The following HOOK3 variants were observed in gnomAD, a reference collection of about 807,000 sequenced individuals.
The protein encoded by HOOK3 is hook microtubule tethering protein 3.
A neutral mutation model predicts 116.3 loss-of-function variants in HOOK3; 24 were observed. That is an observed-to-expected ratio of 0.21 (90% CI 0.15 to 0.29). HOOK3 has a LOEUF of 0.29. HOOK3 is among the 10% of genes least tolerant of loss of function. HOOK3 has a pLI of 1.00. For missense variants in HOOK3, 632 were observed against 830.2 expected (o/e 0.76, Z 2.93); for synonymous variants, 275 against 283.0 (o/e 0.97, Z 0.28).
Position 43,027,177 on chromosome 8 carries a change from G to A in HOOK3, c.*8679G>A, listed in dbSNP as rs552511464. The A allele has an allele frequency of 2.7e-5, 6 of 219,010 alleles. No homozygotes were observed. The highest frequency in any genetic ancestry group is 1.4e-4 in the African/African-American group (6 of 43,030). 13.6% of individuals were successfully genotyped at this position (219,010 alleles called of 1,614,324 possible). On this transcript the variant is annotated 3_prime_UTR_variant, in exon 22 of 22. Coordinates refer to ENST00000307602, the MANE Select transcript of HOOK3 (RefSeq NM_032410.4). Reference sequence around the variant, plus strand: ...AAAGTGCTGGGATTATTATAGGCGTGAGCCACCATGCCCAGTGAACTTGGC... The same window carrying A: ...AAAGTGCTGGGATTATTATAGGCGTAAGCCACCATGCCCAGTGAACTTGGC...
At chr8:42,910,343 C>G (rs954225864) in intron 2 of HOOK3, among the ~76,000 whole-genome samples, 1 of 151,722 alleles carries the variant, frequency 6.6e-6, no homozygotes, top group Non-Finnish European at 1.5e-5. Context: ...TTCTTTCTTC[C>G]TAGAATGCCT....
intron 5 of HOOK3, 43 bp downstream of exon 5, chr8:42,943,488 G>A (rs772577462): frequency 2.3e-6 from 3 of 1,307,708 alleles, no homozygotes; most frequent in Non-Finnish European, 3.0e-6. Flanking sequence ...AATAATGAAG[G>A]AAAGTAGTGT....
Position 43,026,010 on chromosome 8 carries a change from T to G in HOOK3, c.*7512T>G, listed in dbSNP as rs1387715846. ...TAGAGCTTAGAGGAAGAATTAGGTATCATGAGAAAAGCAACTCCTACTTGA... is the reference window on the plus strand; with the variant it reads ...TAGAGCTTAGAGGAAGAATTAGGTAGCATGAGAAAAGCAACTCCTACTTGA... On this transcript the variant is annotated 3_prime_UTR_variant, in exon 22 of 22. Transcript: ENST00000307602. The G allele has an allele frequency of 4.7e-6, 1 of 211,134 alleles. No individual in the cohort carries two copies. The highest frequency in any genetic ancestry group is 1.9e-4 in the South Asian group (1 of 5,332). 13.1% of individuals were successfully genotyped at this position (211,134 alleles called of 1,614,324 possible).
chr8:42,908,324 A>G (rs1343240009), intron 2 of HOOK3, among the ~76,000 whole-genome samples: 1 of 152,238 alleles, frequency 6.6e-6, no homozygotes, highest in Non-Finnish European at 1.5e-5. Context: ...CCTAAAATTC[A>G]TATGAAATGA....
chr8:42,927,161 ATT>A (rs1807781030), intron 3 of HOOK3, among the ~76,000 whole-genome samples: 1 of 149,112 alleles, frequency 6.7e-6, no homozygotes. Flanking sequence ...AAAAGTATTT[ATT>A]TGTTGCTTAA....
At chr8:43,009,502 A>G (rs189212912) in intron 18 of HOOK3, among the ~76,000 whole-genome samples, 7 of 152,268 alleles carry the variant, frequency 4.6e-5, no homozygotes, top group African/African-American at 1.2e-4. Context: ...TCTGTATTCT[A>G]ATGAATATTA....
At chr8:42,996,392 AAAAAAAAAAAAG>A (rs1809268778) in intron 15 of HOOK3, among the ~76,000 whole-genome samples, 1 of 151,436 alleles carries the variant, frequency 6.6e-6, no homozygotes. Flanking sequence ...TCTCAAAAAA[AAAAAAAAAAAAG>A]AAAAAGAAAA....
At chr8:42,943,237 C>A (rs1586602864) in intron 4 of HOOK3, 76 bp from the exon 5 acceptor site, 2 of 1,010,200 alleles carry the variant, frequency 2.0e-6, no homozygotes, top group South Asian at 3.0e-5. Flanking sequence ...CTGGTAATAA[C>A]AAACCTCGAT....
At chr8:42,934,659 T>C (rs1420046458) in intron 4 of HOOK3, among the ~76,000 whole-genome samples, 3 of 152,148 alleles carry the variant, frequency 2.0e-5, no homozygotes, top group African/African-American at 7.2e-5. Flanking sequence ...TTTCTGTCCT[T>C]GTGATAGTTT....
At chr8:42,929,902 T>C (rs1335396212) in intron 3 of HOOK3, among the ~76,000 whole-genome samples, 1 of 152,190 alleles carries the variant, frequency 6.6e-6, no homozygotes, top group Non-Finnish European at 1.5e-5. Context: ...ACATTGAAAA[T>C]TCTACATAAT....
chr8:42,987,157 G>C (rs145067708), intron 15 of HOOK3, among the ~76,000 whole-genome samples: 2 of 152,116 alleles, frequency 1.3e-5, no homozygotes, highest in African/African-American at 4.8e-5. Context: ...GCAAAACTCT[G>C]TCTCAAAACA....
chr8:42,939,340 CG>C (rs1171967813), intron 4 of HOOK3, among the ~76,000 whole-genome samples: 2 of 150,270 alleles, frequency 1.3e-5, no homozygotes, highest in East Asian at 4.1e-4. Context: ...GCTGGTCGGG[CG>C]GGGGGCTGAC....
At chr8:42,959,050 G>T (rs1158376447) in intron 7 of HOOK3, among the ~76,000 whole-genome samples, 181 bp from the exon 8 acceptor site, 2 of 152,072 alleles carry the variant, frequency 1.3e-5, no homozygotes, top group African/African-American at 2.4e-5. Flanking sequence ...TAGAGTAAAA[G>T]AAATTAATTT....
chr8:42,973,808 G>A (rs182150064), intron 12 of HOOK3, among the ~76,000 whole-genome samples: 5 of 152,224 alleles, frequency 3.3e-5, no homozygotes, highest in Admixed American at 6.5e-5. Context: ...GTTCTCCAAT[G>A]TTTTATGTCT....
intron 4 of HOOK3, among the ~76,000 whole-genome samples, chr8:42,931,721 C>T (rs578001097): frequency 4.6e-5 from 7 of 151,704 alleles, no homozygotes; most frequent in East Asian, 1.9e-4. Context: ...CATGAGCCAC[C>T]GCACCTTCCC....
chr8:42,940,767 C>G (rs1808099621), intron 4 of HOOK3, among the ~76,000 whole-genome samples: 1 of 151,972 alleles, frequency 6.6e-6, no homozygotes. Flanking sequence ...GTGGTGTTTT[C>G]TATATTTCCT....
Position 43,020,802 on chromosome 8 carries a change from TGATG to T in HOOK3, c.*2309_*2312del, listed in dbSNP as rs1809810548. 5.4e-6 allele frequency: 1 copy of T among 183,712 alleles called. No individual in the cohort carries two copies. Among genetic ancestry groups the T allele is most frequent in the African/African-American group, 2.4e-5 (1 of 42,470 alleles). 11.4% of individuals were successfully genotyped at this position (183,712 alleles called of 1,614,324 possible). ...TTGGGAAAATTGTACCTGCAGAATA[TGATG>T]GATGAAAACAACAGCCAGGTGCAGT... On this transcript the variant is annotated 3_prime_UTR_variant, in exon 22 of 22. Transcript: ENST00000307602.
At chr8:42,985,004 G>GA (rs1043474748) in intron 14 of HOOK3, among the ~76,000 whole-genome samples, 4 of 152,188 alleles carry the variant, frequency 2.6e-5, no homozygotes, top group South Asian at 2.1e-4. Flanking sequence ...AGCTATCAAG[G>GA]AAAAATGATA....
At chr8:42,907,507 T>C (rs1807333211) in intron 2 of HOOK3, among the ~76,000 whole-genome samples, 1 of 152,168 alleles carries the variant, frequency 6.6e-6, no homozygotes, top group Non-Finnish European at 1.5e-5. Context: ...AAGAGTCATC[T>C]TGTCATTTTC....
Sources: allele counts gnomAD v4.1 joint callset (sites outside exome capture counted in the v4.1 genomes callset), GRCh38; gene constraint gnomAD v4.1.1; transcripts MANE v1.5; gene names NCBI Gene and HGNC (gene_info 2026-07-23, HGNC 2026-07-21).